Variants in ARID1B observed in about 807,000 individuals in gnomAD.
ARID1B encodes AT-rich interactive domain-containing protein 1B.
A neutral mutation model predicts 212.3 loss-of-function variants in ARID1B; 30 were observed. That is an observed-to-expected ratio of 0.14 (90% confidence interval 0.11 to 0.19). The LOEUF (loss-of-function observed/expected upper bound fraction) is 0.19. ARID1B is among the 10% of genes least tolerant of loss of function. The pLI is 1.00. For synonymous variants in ARID1B, 1,402 were observed against 1,301.7 expected, an observed-to-expected ratio of 1.08 and a Z score of -1.66; for missense variants, 2,891 against 3,204.0, an observed-to-expected ratio of 0.90 and a Z score of 2.36.
chr6:157,030,033 C>T (rs1041731026), intron 4 of ARID1B, among the ~76,000 whole-genome samples: 3 of 152,186 alleles, frequency 2.0e-5, no homozygotes, highest in Non-Finnish European at 4.4e-5. Flanking sequence ...TTAGTTTTTG[C>T]AGTAGTGCTC....
chr6:156,990,738 T>C (rs951790044), intron 4 of ARID1B, among the ~76,000 whole-genome samples: 1 of 152,174 alleles, frequency 6.6e-6, no homozygotes, highest in African/African-American at 2.4e-5. Context: ...GCCATCCTCC[T>C]TCCTCAGCCT....
intron 4 of ARID1B, among the ~76,000 whole-genome samples, chr6:156,971,483 A>G (rs954749788): frequency 1.3e-5 from 2 of 152,174 alleles, no homozygotes; most frequent in Non-Finnish European, 2.9e-5. Context: ...ACATTAGACA[A>G]CTGTGGATGG....
intron 4 of ARID1B, among the ~76,000 whole-genome samples, chr6:157,044,913 A>G (rs1782128099): frequency 6.6e-6 from 1 of 152,196 alleles, no homozygotes; most frequent in Non-Finnish European, 1.5e-5. Context: ...GCTGGTCTAG[A>G]AAATACAGGT....
chr6:156,937,679 A>C (rs938094413), intron 4 of ARID1B: 3 of 152,210 alleles, frequency 2.0e-5, no homozygotes, highest in African/African-American at 7.2e-5. Context: ...GGAGCTTTTA[A>C]GTTGATTGCT....
In ARID1B at chr6:156,901,462, G is replaced by A. The variant is rs370068335; in HGVS notation, c.2073G>A (p.Pro691=). 56 of 1,613,868 alleles carry A rather than the reference G, an allele frequency of 3.5e-5. No individual in the cohort carries two copies. Among genetic ancestry groups the A allele is most frequent in the Non-Finnish European group, 4.4e-5 (52 of 1,180,008 alleles). ...QPYYSQQPQP[P]HLPPQAQYLP... is the part of the protein sequence containing the mutation. ...ATTACAGCCAGCAGCCGCAGCCCCC[G>A]CACCTCCCACCCCAGGCGCAGTATC... The change falls in exon 3 of 20, where the codon CCG becomes CCA. Residue 691 remains proline (P), a synonymous_variant. Coordinates refer to ENST00000636930, the MANE Select transcript of ARID1B (RefSeq NM_001374828.1).
chr6:156,933,231 A>C (rs1791895450), intron 3 of ARID1B, among the ~76,000 whole-genome samples: 1 of 151,668 alleles, frequency 6.6e-6, no homozygotes, highest in Non-Finnish European at 1.5e-5. Context: ...TTCCTAGCTG[A>C]AGTTTACTTT....
intron 4 of ARID1B, among the ~76,000 whole-genome samples, chr6:157,058,900 C>T (rs931044562): frequency 6.6e-6 from 1 of 152,136 alleles, no homozygotes; most frequent in Non-Finnish European, 1.5e-5. Flanking sequence ...TGACTTAGCT[C>T]TTTGCAGAGG....
rs927943980 is a variant in ARID1B at position 156,778,012 on chromosome 6, G to A, written c.332G>A (p.Gly111Asp). Residue 111 changes from glycine to aspartate, a missense_variant, in exon 1 of 20, where the codon GGT becomes GAT. Around this residue, in one of 7 missense-constraint regions of ARID1B, gnomAD observed 1,643 missense variants for 1,544.0 expected, o/e 1.06. Coordinates refer to ENST00000636930, the MANE Select transcript of ARID1B (RefSeq NM_001374828.1). ...GGCTCCGAGGCGGCTCTCAAGGAGG[G>A]TGGAAGCGCCGCCGCGCTGTCCTCC... ...SGGSEAALKE[G>D]GSAAALSSSS... is the part of the protein sequence containing the mutation. 3.3e-6 allele frequency: 5 copies of A among 1,533,258 alleles called. No homozygotes were observed. Among genetic ancestry groups the A allele is most frequent in the Non-Finnish European group, 3.5e-6 (4 of 1,145,436 alleles). The allele number at this position is 1,533,258 out of a possible 1,614,324, so 95.0% of individuals were successfully genotyped here. A position where few individuals can be genotyped will look rare whatever the true frequency, so the allele number is the denominator to read the frequency against.
intron 4 of ARID1B, among the ~76,000 whole-genome samples, chr6:156,993,866 A>C (rs1404253258): frequency 2.0e-5 from 3 of 152,254 alleles, no homozygotes; most frequent in Non-Finnish European, 4.4e-5. Flanking sequence ...TGGAAATTTT[A>C]AGTTTATCTC....
Position 157,148,871 on chromosome 6 carries a change from G to T in ARID1B, c.3009G>T (p.Pro1003=). The part of the protein sequence containing the change: ...MSQQGGPGMG[P]PMPTVNRKAQ... ...AGCAGGGAGGGCCAGGAATGGGGCC[G>T]CCAATGCCAACTGTGAACCGTAAGG... Residue 1003 remains proline, a synonymous_variant, in exon 8 of 20, where the codon CCG becomes CCT. Transcript: ENST00000636930. The surrounding 1 kb of genome is among the most constrained non-coding windows in gnomAD (Gnocchi z 5.6). 2 of 1,612,912 alleles carry T rather than the reference G, an allele frequency of 1.2e-6. No individual in the cohort carries two copies. The highest frequency in any genetic ancestry group is 1.7e-6 in the Non-Finnish European group (2 of 1,179,986).
intron 4 of ARID1B, among the ~76,000 whole-genome samples, chr6:156,966,995 C>T (rs2128337186): frequency 6.6e-6 from 1 of 152,270 alleles, no homozygotes; most frequent in African/African-American, 2.4e-5. Context: ...CCACCATGTC[C>T]TGCTATAAAT....
intron 6 of ARID1B, among the ~76,000 whole-genome samples, chr6:157,119,391 G>T (rs1427879438): frequency 6.6e-6 from 1 of 152,170 alleles, no homozygotes; most frequent in East Asian, 1.9e-4. Context: ...CGGTCAAGGG[G>T]CCTGTCCTTA....
In ARID1B at chr6:156,881,596, A is replaced by G. The variant is rs79840674; in HGVS notation, c.1987-19780A>G. Reference sequence around the variant, plus strand: ...ACTGCACGGGTTCCCATACCTCAATACTGGGCTACTTTCAACACCTGTGGT... The same window carrying G: ...ACTGCACGGGTTCCCATACCTCAATGCTGGGCTACTTTCAACACCTGTGGT... On this transcript the variant is annotated intron_variant, in intron 2 of 19. Coordinates refer to ENST00000636930, the MANE Select transcript of ARID1B (RefSeq NM_001374828.1). Among the ~76,000 whole-genome samples, 108 of 152,248 alleles carry G rather than the reference A, an allele frequency of 7.1e-4. 1 individual carries two copies. The East Asian group carries it at 0.02, about 29-fold the overall frequency.
chr6:156,779,647 G>C, intron 1 of ARID1B, 176 bp downstream of exon 1: 1 of 533,288 alleles, frequency 1.9e-6, no homozygotes, highest in Non-Finnish European at 2.5e-6. Context: ...GCGCCCCGGG[G>C]GCCGGCGCGC....
intron 16 of ARID1B, among the ~76,000 whole-genome samples, chr6:157,197,580 C>T (rs949999194): frequency 2.6e-5 from 4 of 152,174 alleles, no homozygotes; most frequent in African/African-American, 9.7e-5. Flanking sequence ...ATTCTTAACC[C>T]GGCCATAATA....
chr6:156,962,468 G>A (rs1489127402), intron 4 of ARID1B, among the ~76,000 whole-genome samples: 1 of 151,874 alleles, frequency 6.6e-6, no homozygotes, highest in Non-Finnish European at 1.5e-5. Context: ...CTCTTTTGGG[G>A]CGTGGTGGGG....
chr6:157,114,983 G>A (rs952025444), intron 6 of ARID1B, among the ~76,000 whole-genome samples: 3 of 152,278 alleles, frequency 2.0e-5, no homozygotes, highest in Admixed American at 6.5e-5. Flanking sequence ...TTCAGGAAGA[G>A]CATATGTTAA....
chr6:157,043,186 G>A (rs1782003141), intron 4 of ARID1B, among the ~76,000 whole-genome samples: 1 of 152,162 alleles, frequency 6.6e-6, no homozygotes, highest in African/African-American at 2.4e-5. Flanking sequence ...AACTAACAGA[G>A]TCCCTTAAAT....
intron 1 of ARID1B, among the ~76,000 whole-genome samples, chr6:156,809,713 G>GAAATA (rs1554254039): frequency 4.8e-5 from 5 of 104,464 alleles, no homozygotes; most frequent in Non-Finnish European, 9.5e-5. Flanking sequence ...CTTTTTCAAA[G>GAAATA]AAAAAAAAAA....
Sources: gnomAD v4.1 joint callset for allele counts (sites outside exome capture counted in the v4.1 genomes callset) on GRCh38, gnomAD v4.1.1 for gene constraint, gnomAD v4.1.1 regional missense constraint, Gnocchi (gnomAD v3.1) non-coding constraint, MANE v1.5 for transcripts, NCBI Gene and HGNC (gene_info 2026-07-23, HGNC 2026-07-21) for gene names.